Variants in TUBD1 observed in about 807,000 individuals in gnomAD.
TUBD1 encodes tubulin delta 1, also known as tubulin delta chain.
TUBD1 carries 38 observed loss-of-function variants against 51.2 expected under a neutral mutation model. That is an observed-to-expected ratio of 0.74 (90% confidence interval 0.57 to 0.97). The LOEUF (loss-of-function observed/expected upper bound fraction) is 0.97, where lower values mean the gene tolerates loss of function less well. Ranked by LOEUF, TUBD1 falls within the 50% of genes least tolerant of loss-of-function variation. TUBD1 has a pLI of 0.00. For synonymous variants in TUBD1, 169 were observed against 178.2 expected, an observed-to-expected ratio of 0.95 and a Z score of 0.41; for missense variants, 489 against 538.4, an observed-to-expected ratio of 0.91 and a Z score of 0.91.
intron 3 of TUBD1, 40 bp from the exon 4 acceptor site, chr17:59,881,150 A>T (rs768546560): frequency 5.2e-5 from 76 of 1,467,118 alleles, no homozygotes; most frequent in Non-Finnish European, 7.2e-5. Context: ...ACACTTTTCA[A>T]TTTAACCACA....
intron 6 of TUBD1, among the ~76,000 whole-genome samples, chr17:59,873,958 G>C (rs996141107): frequency 6.6e-6 from 1 of 152,232 alleles, no homozygotes; most frequent in Non-Finnish European, 1.5e-5. Context: ...GGGAGGCCAA[G>C]ACGGGTGGAT....
chr17:59,868,427 G>A (rs1451295066), intron 6 of TUBD1, among the ~76,000 whole-genome samples: 1 of 152,064 alleles, frequency 6.6e-6, no homozygotes, highest in Admixed American at 6.6e-5. Flanking sequence ...CAGGCGCGGT[G>A]GCTCATGCCT....
intron 2 of TUBD1, among the ~76,000 whole-genome samples, chr17:59,890,210 T>TG (rs2144587795): frequency 6.6e-6 from 1 of 152,260 alleles, no homozygotes; most frequent in East Asian, 1.9e-4. Context: ...TGATGCTATG[T>TG]GGGGCAGAAG....
chr17:59,869,250 C>G (rs563726337), intron 6 of TUBD1, among the ~76,000 whole-genome samples: 36 of 151,628 alleles, frequency 2.4e-4, no homozygotes, highest in African/African-American at 8.5e-4. Context: ...CCAAGGCGGG[C>G]AAATCACAAG....
At chr17:59,869,827 C>G (rs2039895962) in intron 6 of TUBD1, among the ~76,000 whole-genome samples, 1 of 151,936 alleles carries the variant, frequency 6.6e-6, no homozygotes, top group Non-Finnish European at 1.5e-5. Flanking sequence ...CTATTAATAC[C>G]TAGTAGTGAT....
At chr17:59,860,537 C>A (rs1035090205) in intron 8 of TUBD1, 113 bp from the exon 9 acceptor site, 6 of 668,422 alleles carry the variant, frequency 9.0e-6, no homozygotes, top group Non-Finnish European at 1.3e-5. Context: ...GAAGATCACA[C>A]AATCGTTCAG....
intron 3 of TUBD1, 96 bp from the exon 4 acceptor site, chr17:59,881,206 A>G: frequency 9.7e-7 from 1 of 1,033,334 alleles, no homozygotes; most frequent in Non-Finnish European, 1.4e-6. Flanking sequence ...AGGTTTTTTC[A>G]AAACTACGGA....
chr17:59,877,541 G>C (rs2040280352), intron 5 of TUBD1, among the ~76,000 whole-genome samples: 1 of 152,188 alleles, frequency 6.6e-6, no homozygotes, highest in African/African-American at 2.4e-5. Flanking sequence ...CAACACTTTG[G>C]AAGGCCGAGG....
intron 2 of TUBD1, among the ~76,000 whole-genome samples, chr17:59,887,619 G>C (rs2040795275): frequency 6.6e-6 from 1 of 152,072 alleles, no homozygotes; most frequent in South Asian, 2.1e-4. Context: ...AGAAAAGCCT[G>C]AACTTTATCT....
chr17:59,866,922 A>T (rs1194451792), intron 6 of TUBD1, among the ~76,000 whole-genome samples, 173 bp from the exon 7 acceptor site: 1 of 151,810 alleles, frequency 6.6e-6, no homozygotes, highest in Non-Finnish European at 1.5e-5. Flanking sequence ...GTAGCTGGCT[A>T]GACAGGATTA....
At chr17:59,874,839 A>G in intron 5 of TUBD1, 136 bp from the exon 6 acceptor site, 1 of 659,648 alleles carries the variant, frequency 1.5e-6, no homozygotes, top group Admixed American at 3.3e-5. Context: ...TTAATCTTTA[A>G]TATAAATACA....
intron 5 of TUBD1, among the ~76,000 whole-genome samples, chr17:59,875,119 A>C (rs1284130303): frequency 1.7e-5 from 2 of 119,304 alleles, no homozygotes; most frequent in Non-Finnish European, 3.2e-5. Flanking sequence ...TTCTGTCGCC[A>C]GGCTGGAGGA....
rs1040752837 is a variant in TUBD1, at chr17:59,860,235, G to A, written c.*87C>T. The stretch of plus-strand genomic sequence containing the variant: ...GTTTCACCGTGTTAGCCAGGATGGA[G>A]AACTTTGAAAACTTTACAGAGAAAA... On this transcript the variant is annotated 3_prime_UTR_variant, in exon 9 of 9. Coordinates refer to ENST00000325752, the MANE Select transcript of TUBD1 (RefSeq NM_016261.4). 1.0e-4 allele frequency: 105 copies of A among 1,006,562 alleles called. No homozygotes were observed. The highest frequency in any genetic ancestry group is 1.4e-4 in the Non-Finnish European group (92 of 664,800). The allele number at this position is 1,006,562 out of a possible 1,614,324, so 62.4% of individuals were successfully genotyped here.
rs150791060 is a variant in TUBD1, at chr17:59,864,493, T to C, written c.1076-646A>G. On this transcript the variant is annotated intron_variant, in intron 7 of 8. Transcript: ENST00000325752. ...ATGGATCATTTATTCGAAAATAATA[T>C]ACTGCCAGTTTTGTTTTGTTTTGTT... is the stretch of plus-strand genomic sequence containing the variant. 5.9e-3 allele frequency among the ~76,000 whole-genome samples: 896 copies of C among 152,106 alleles called. 6 individuals are homozygous for C. The highest frequency in any genetic ancestry group is 9.0e-3 in the Non-Finnish European group (609 of 67,968).
At chr17:59,872,040 G>C (rs1263611658) in intron 6 of TUBD1, among the ~76,000 whole-genome samples, 1 of 151,854 alleles carries the variant, frequency 6.6e-6, no homozygotes, top group African/African-American at 2.4e-5. Context: ...TGCAACCTCT[G>C]CCTCCTGAGT....
At chr17:59,880,095 G>C (rs557810211) in intron 4 of TUBD1, among the ~76,000 whole-genome samples, 1 of 150,816 alleles carries the variant, frequency 6.6e-6, no homozygotes, top group East Asian at 2.0e-4. Flanking sequence ...GTCTCGCTCT[G>C]TCGCCAGGCT....
chr17:59,870,937 C>T (rs1465316493), intron 6 of TUBD1, among the ~76,000 whole-genome samples: 1 of 152,186 alleles, frequency 6.6e-6, no homozygotes, highest in Admixed American at 6.6e-5. Context: ...ATAAAGCTTA[C>T]CTTCTACTGA....
chr17:59,867,610 C>T (rs1431584849), intron 6 of TUBD1, among the ~76,000 whole-genome samples: 1 of 152,082 alleles, frequency 6.6e-6, no homozygotes, highest in Non-Finnish European at 1.5e-5. Context: ...ATTGCCTAAG[C>T]CCAGGAGGTC....
At chr17:59,869,289 T>C (rs762745865) in intron 6 of TUBD1, among the ~76,000 whole-genome samples, 12 of 149,566 alleles carry the variant, frequency 8.0e-5, no homozygotes, top group South Asian at 4.3e-4. Flanking sequence ...GCCTGGCCAA[T>C]ATGGTGAAAC....
Sources: gnomAD v4.1 joint callset for allele counts (sites outside exome capture counted in the v4.1 genomes callset) on GRCh38, gnomAD v4.1.1 for gene constraint, MANE v1.5 for transcripts, NCBI Gene and HGNC (gene_info 2026-07-23, HGNC 2026-07-21) for gene names.